The following TRMU variants were observed in gnomAD, a reference collection of about 807,000 sequenced individuals.
TRMU encodes the protein tRNA mitochondrial 2-thiouridylase, also known as mitochondrial tRNA-specific 2-thiouridylase 1.
Under a neutral mutation model 46.9 loss-of-function variants are expected in TRMU, and 49 were observed. The observed-to-expected ratio is 1.05, with a 90% CI of 0.83 to 1.33. The LOEUF (loss-of-function observed/expected upper bound fraction) is 1.33, where lower values mean the gene tolerates loss of function less well. TRMU is among the 40% of genes most tolerant of loss of function. The probability of loss-of-function intolerance (pLI) is 0.00; values close to 1 mark genes in which losing one functional copy is unlikely to be tolerated. For missense variants in TRMU, 572 were observed against 532.4 expected, an observed-to-expected ratio of 1.07 and a Z score of -0.73; for synonymous variants, 241 against 200.9, an observed-to-expected ratio of 1.20 and a Z score of -1.69.
At chr22:46,345,313 TC>T (rs1303827820) in intron 3 of TRMU, among the ~76,000 whole-genome samples, 1 of 152,164 alleles carries the variant, frequency 6.6e-6, no homozygotes, top group African/African-American at 2.4e-5. Context: ...CCTCAAGTGA[TC>T]CACCCACATC....
Position 46,351,808 on chromosome 22 carries a change from C to T in TRMU, c.652-313C>T. On this transcript the variant is annotated intron_variant, in intron 5 of 10. Transcript: ENST00000645190. The surrounding 1 kb of genome is among the most constrained non-coding windows in gnomAD (Gnocchi z 6.4). ...CCCTTCTCTGGTCCCTGTCTCTCCC[C>T]CACTCCTCGCAGGACAGTGGCCTGA... 2.1e-6 allele frequency: 1 copy of T among 465,328 alleles called. No homozygotes were observed. The highest frequency in any genetic ancestry group is 2.1e-5 in the South Asian group (1 of 48,752). The allele number at this position is 465,328 out of a possible 1,614,324, so 28.8% of individuals were successfully genotyped here.
At chr22:46,354,661 C>T (rs1233625255) in intron 8 of TRMU, 2 of 152,646 alleles carry the variant, frequency 1.3e-5, no homozygotes, top group Non-Finnish European at 1.5e-5. Context: ...ACTAGGAAGA[C>T]CTGTGGGGAG....
Position 46,339,588 on chromosome 22 carries a change from GACGGGTAC to G in TRMU, c.248+1647_248+1654del, listed in dbSNP as rs993686672. Among the ~76,000 whole-genome samples the G allele has an allele frequency of 1.3e-5, 2 of 152,216 alleles. No individual in the cohort carries two copies. The highest frequency in any genetic ancestry group is 2.9e-5 in the Non-Finnish European group (2 of 68,034). On this transcript the variant is annotated intron_variant, in intron 2 of 10. Coordinates refer to ENST00000645190, the MANE Select transcript of TRMU (RefSeq NM_018006.5). The surrounding 1 kb of genome is among the most constrained non-coding windows in gnomAD (Gnocchi z 4.8). ...CGGGTACAATGTCCACTGCTTGGGT[GACGGGTAC>G]ACCAAAATCTCAGAAGTCACCACTG...
intron 3 of TRMU, among the ~76,000 whole-genome samples, chr22:46,343,694 C>G (rs749824454): frequency 6.6e-6 from 1 of 152,152 alleles, no homozygotes. Context: ...CTTGTGGAAC[C>G]TCCTGATACT....
chr22:46,348,373 A>G lies in TRMU; in HGVS notation c.478+1829A>G, dbSNP rs913930238. Among the ~76,000 whole-genome samples the G allele has an allele frequency of 6.6e-6, 1 of 152,222 alleles. No individual in the cohort carries two copies. Among genetic ancestry groups the G allele is most frequent in the Admixed American group, 6.5e-5 (1 of 15,284 alleles). On this transcript the variant is annotated intron_variant, in intron 4 of 10. Transcript: ENST00000645190. This position sits in a 1 kb window ranked among gnomAD's most constrained non-coding sequence, Gnocchi z 4.8. ...GCATGTGGGAATTGTGATGGTGCAC[A>G]GTGTCTTGGCCTTCACTGGGTTTTG...
rs568180884 is a variant in TRMU, at chr22:46,355,579, A to C, written c.1009A>C (p.Met337Leu). 1 of 1,613,350 alleles carries C rather than the reference A, an allele frequency of 6.2e-7. No individual in the cohort carries two copies. The highest frequency in any genetic ancestry group is 1.1e-5 in the South Asian group (1 of 91,086). The change falls in exon 9 of 11, where the codon ATG becomes CTG. Residue 337 changes from methionine to leucine, a missense_variant. Transcript: ENST00000645190. ...MECHFRFRHQ[M>L]ALVPCVLTLN... ...GTGCCACTTCCGATTCCGCCACCAGATGGCACTAGGTGACTGACGGGAGGG... is the reference window on the plus strand; with the variant it reads ...GTGCCACTTCCGATTCCGCCACCAGCTGGCACTAGGTGACTGACGGGAGGG...
rs1391422415 is a variant in TRMU, at chr22:46,342,336, G to A, written c.249-926G>A. 2.6e-5 allele frequency among the ~76,000 whole-genome samples: 4 copies of A among 152,202 alleles called. No individual in the cohort carries two copies. Among genetic ancestry groups the A allele is most frequent in the East Asian group, 1.9e-4 (1 of 5,188 alleles). On this transcript the variant is annotated intron_variant, in intron 2 of 10. Transcript: ENST00000645190. The surrounding 1 kb of genome is among the most constrained non-coding windows in gnomAD (Gnocchi z 4.7). ...TTGCAAAGGATACAGATGAAGAGAC[G>A]GGTTGGGTGAGGTATGGGGAAAGGG... is the stretch of plus-strand genomic sequence containing the variant.
rs564001431 is a variant in TRMU, at chr22:46,351,889, G to A, written c.652-232G>A. ...GGGGCAGCTGGTGTGAGGGTCTCCC[G>A]CGCAGGGTCAGACCCCGCGGGCCGA... is the stretch of plus-strand genomic sequence containing the variant. On this transcript the variant is annotated intron_variant, in intron 5 of 10. Coordinates refer to ENST00000645190, the MANE Select transcript of TRMU (RefSeq NM_018006.5). The surrounding 1 kb of genome is among the most constrained non-coding windows in gnomAD (Gnocchi z 6.4). The A allele has an allele frequency of 1.7e-5, 11 of 634,586 alleles. No homozygotes were observed. Among genetic ancestry groups the A allele is most frequent in the African/African-American group, 3.6e-5 (2 of 55,182 alleles). The allele number at this position is 634,586 out of a possible 1,614,324, so 39.3% of individuals were successfully genotyped here.
Position 46,335,865 on chromosome 22 carries a change from C to A in TRMU, c.82+19C>A. The A allele has an allele frequency of 6.5e-7, 1 of 1,532,392 alleles. No homozygotes were observed. Among genetic ancestry groups the A allele is most frequent in the Non-Finnish European group, 8.7e-7 (1 of 1,144,466 alleles). The allele number at this position is 1,532,392 out of a possible 1,614,324, so 94.9% of individuals were successfully genotyped here. A position where few individuals can be genotyped will look rare whatever the true frequency, so the allele number is the denominator to read the frequency against. On this transcript the variant is annotated intron_variant, in intron 1 of 10. Transcript: ENST00000645190. ...CGGAGAGGTGAGGCGTCCGAGGCTC[C>A]CGCCCCCCGCCGAGCGAATGTGTCC...
intron 3 of TRMU, among the ~76,000 whole-genome samples, 158 bp downstream of exon 3, chr22:46,343,526 C>T (rs1047544534): frequency 2.0e-5 from 3 of 152,130 alleles, no homozygotes; most frequent in African/African-American, 7.2e-5. Flanking sequence ...GCTTGGACCA[C>T]AGGCATGCCA....
At position 46,350,106 on chromosome 22, in the gene TRMU, T is replaced by C. The variant is rs2078370020; in HGVS notation, c.479-185T>C. Among the ~76,000 whole-genome samples, 1 of 152,212 alleles carries C rather than the reference T, an allele frequency of 6.6e-6. No individual in the cohort carries two copies. The highest frequency in any genetic ancestry group is 2.1e-4 in the South Asian group (1 of 4,828). On this transcript the variant is annotated intron_variant, in intron 4 of 10. Transcript: ENST00000645190. The surrounding 1 kb of genome is among the most constrained non-coding windows in gnomAD (Gnocchi z 4.6). The stretch of plus-strand genomic sequence containing the variant: ...TCATGTAAAATCCTTGTTTTTTTTT[T>C]TGGAGGTGCGAATTTTTCTTACATT...
chr22:46,352,211 C>G, intron 6 of TRMU, 37 bp downstream of exon 6: 1 of 1,613,478 alleles, frequency 6.2e-7, no homozygotes, highest in Non-Finnish European at 8.5e-7. Context: ...GATGGGGCTG[C>G]GTGTCTGCCC....
intron 8 of TRMU, chr22:46,355,072 C>G (rs1465382219): frequency 2.9e-6 from 1 of 348,910 alleles, no homozygotes; most frequent in African/African-American, 2.1e-5. Flanking sequence ...TGGCCCCTGT[C>G]CCTGCGAATA....
intron 8 of TRMU, chr22:46,354,965 G>T: frequency 4.8e-6 from 1 of 208,064 alleles, no homozygotes; most frequent in South Asian, 7.7e-5. Context: ...GGGCACCTGT[G>T]GGAAGCCAGC....
Position 46,353,797 on chromosome 22 carries a change from C to G in TRMU, c.803C>G (p.Ala268Gly). 1 of 1,613,830 alleles carries G rather than the reference C, an allele frequency of 6.2e-7. No homozygotes were observed. Among genetic ancestry groups the G allele is most frequent in the Non-Finnish European group, 8.5e-7 (1 of 1,179,776 alleles). Residue 268 changes from alanine to glycine, a missense_variant, in exon 8 of 11, where the codon GCA becomes GGA. Physicochemically the swap from Ala to Gly is moderately conservative, Grantham distance 60. Transcript: ENST00000645190. ...GWFLYTLGQR[A>G]NIGGLREPWY... ...TTCCTGTATACCTTGGGCCAGAGAG[C>G]AAACATAGGTGGCCTGAGAGAGCCC...
Position 46,335,794 on chromosome 22 carries a change from CCT to C in TRMU, c.31_32del (p.Leu11ValfsTer33). 1 of 1,562,422 alleles carries C rather than the reference CCT, an allele frequency of 6.4e-7. No individual in the cohort carries two copies. Among genetic ancestry groups the C allele is most frequent in the Non-Finnish European group, 8.6e-7 (1 of 1,158,964 alleles). MQALRHVVCA[L>X]SGGVDSAVAA... ...AGGCCTTGCGGCACGTCGTGTGCGCCCTGTCCGGCGGCGTGGACAGCGCCGTG... is the reference window on the plus strand; with the variant it reads ...AGGCCTTGCGGCACGTCGTGTGCGCCGTCCGGCGGCGTGGACAGCGCCGTG... On this transcript the variant is annotated frameshift_variant, in exon 1 of 11. Transcript: ENST00000645190. LOFTEE classifies it high-confidence loss of function.
Position 46,337,893 on chromosome 22 carries a change from T to A in TRMU, c.197T>A (p.Ile66Asn), listed in dbSNP as rs1419533381. ...DAYRVCQILD[I>N]PFHQVSYVKE... The stretch of plus-strand genomic sequence containing the variant: ...TACAGAGTTTGCCAGATCTTAGACA[T>A]CCCTTTCCATCAAGTGTCCTACGTA... The change falls in exon 2 of 11, where the codon ATC becomes AAC. Residue 66 changes from isoleucine to asparagine, a missense_variant. Coordinates refer to ENST00000645190, the MANE Select transcript of TRMU (RefSeq NM_018006.5). 1.2e-6 allele frequency: 2 copies of A among 1,614,170 alleles called. No individual in the cohort carries two copies. Among genetic ancestry groups the A allele is most frequent in the Non-Finnish European group, 1.7e-6 (2 of 1,180,034 alleles).
intron 10 of TRMU, 153 bp from the exon 11 acceptor site, chr22:46,356,689 A>G: frequency 1.3e-6 from 1 of 758,850 alleles, no homozygotes; most frequent in Non-Finnish European, 2.0e-6. Flanking sequence ...TCTCCTGTTC[A>G]GCAGCAGCAG....
At position 46,350,401 on chromosome 22, in the gene TRMU, A is replaced by G. The variant is rs898786376; in HGVS notation, c.589A>G (p.Lys197Glu). 1.9e-6 allele frequency: 3 copies of G among 1,614,190 alleles called. No individual in the cohort carries two copies. The highest frequency in any genetic ancestry group is 2.5e-6 in the Non-Finnish European group (3 of 1,180,034). Residue 197 changes from lysine (K) to glutamate (E), a missense_variant, in exon 5 of 11, where the codon AAA becomes GAA. By Grantham distance (56) the Lys-to-Glu change is moderately conservative (BLOSUM62 1). Transcript: ENST00000645190. This position sits in a 1 kb window ranked among gnomAD's most constrained non-coding sequence, Gnocchi z 4.6. ...RTIFPLGGLT[K>E]EFVKKIAAEN... ...CATCTTCCCTCTGGGGGGATTAACG[A>G]AAGAGTTTGTAAAGAAAATCGCTGC...
Sources: gnomAD v4.1 joint callset for allele counts (sites outside exome capture counted in the v4.1 genomes callset) on GRCh38, gnomAD v4.1.1 for gene constraint, Gnocchi (gnomAD v3.1) non-coding constraint, MANE v1.5 for transcripts, NCBI Gene and HGNC (gene_info 2026-07-23, HGNC 2026-07-21) for gene names.